The following RGPD4 variants were observed in gnomAD, a reference collection of about 807,000 sequenced individuals.
RGPD4 encodes the protein ranBP2-like and GRIP domain-containing protein 4.
Under a neutral mutation model 141.1 loss-of-function variants are expected in RGPD4, and 84 were observed. That is an observed-to-expected ratio of 0.60 (90% confidence interval 0.50 to 0.71). The LOEUF (loss-of-function observed/expected upper bound fraction) is 0.71, where lower values mean the gene tolerates loss of function less well. Ranked by LOEUF, RGPD4 falls within the 30% of genes least tolerant of loss-of-function variation. The pLI, the probability that RGPD4 is intolerant of heterozygous loss-of-function variation, is 0.00. For synonymous variants in RGPD4, 298 were observed against 566.8 expected, an observed-to-expected ratio of 0.53 and a Z score of 6.74; for missense variants, 918 against 1,622.4, an observed-to-expected ratio of 0.57 and a Z score of 7.46.
rs201500065 is a variant in RGPD4 at position 107,870,730 on chromosome 2, C to T, written c.2726C>T (p.Ser909Leu). 6.2e-7 allele frequency: 1 copy of T among 1,609,352 alleles called. No homozygotes were observed. Among genetic ancestry groups the T allele is most frequent in the Middle Eastern group, 2.3e-4 (1 of 4,416 alleles). Residue 909 changes from serine (S) to leucine (L), a missense_variant, in exon 20 of 23, where the codon TCA (serine) becomes TTA (leucine). Ser to Leu is a moderately radical substitution (Grantham distance 145). Coordinates refer to ENST00000408999, the MANE Select transcript of RGPD4 (RefSeq NM_182588.3). ...TKGSSNTEFKSTKEGFSIPVS... is the reference protein window; with the variant it reads ...TKGSSNTEFKLTKEGFSIPVS... ...GGTTCTTCTAATACAGAATTTAAGT[C>T]AACCAAAGAAGGATTTTCCATCCCT...
intron 7 of RGPD4, among the ~76,000 whole-genome samples, chr2:107,849,378 T>C (rs1682054479): frequency 7.4e-6 from 1 of 134,684 alleles, no homozygotes; most frequent in African/African-American, 3.0e-5. Context: ...TTTTTTTTTT[T>C]TTTTTTGAGA....
intron 1 of RGPD4, among the ~76,000 whole-genome samples, chr2:107,832,670 T>C (rs1420793159): frequency 6.7e-6 from 1 of 148,236 alleles, no homozygotes; most frequent in East Asian, 1.9e-4. Context: ...TGGAAACTAA[T>C]GGTATGTCTT....
At chr2:107,884,151 C>T (rs1239053389) in intron 22 of RGPD4, among the ~76,000 whole-genome samples, 2 of 151,822 alleles carry the variant, frequency 1.3e-5, no homozygotes, top group African/African-American at 2.4e-5. Context: ...TGCTCTGTCA[C>T]CCTGGCTGGA....
At position 107,859,712 on chromosome 2, in the gene RGPD4, T is replaced by C. The variant is rs1451848297; in HGVS notation, c.1635-10T>C. 8.1e-6 allele frequency: 13 copies of C among 1,611,254 alleles called. 2 individuals are homozygous for C. The Admixed American group carries it at 2.2e-4, about 27-fold the overall frequency. The stretch of plus-strand genomic sequence containing the variant: ...AGAAAGCAATTTTAGTAAATTGAAC[T>C]ATTTTTTAGACCTGGAAACTCAGCA... On this transcript the variant is annotated splice_polypyrimidine_tract_variant and intron_variant, in intron 11 of 22. Transcript: ENST00000408999.
At chr2:107,886,082 G>T (rs1170941892) in intron 22 of RGPD4, among the ~76,000 whole-genome samples, 3 of 143,214 alleles carry the variant, frequency 2.1e-5, no homozygotes, top group Admixed American at 2.1e-4. Context: ...TAAACTACAA[G>T]ATAGTTCAAA....
intron 9 of RGPD4, among the ~76,000 whole-genome samples, chr2:107,858,638 C>T (rs62150197): frequency 5.1e-3 from 749 of 147,888 alleles, no homozygotes; most frequent in Non-Finnish European, 7.7e-3. Context: ...CGGAGTTTCA[C>T]CATGCTGGCC....
At chr2:107,832,293 T>G (rs1573462681) in intron 1 of RGPD4, among the ~76,000 whole-genome samples, 1 of 150,470 alleles carries the variant, frequency 6.6e-6, no homozygotes, top group East Asian at 2.0e-4. Context: ...CTCTTGGGAC[T>G]TCCCTTTATC....
At chr2:107,859,585 C>T (rs764133209) in intron 11 of RGPD4, 31 bp downstream of exon 11, 3 of 1,611,556 alleles carry the variant, frequency 1.9e-6, no homozygotes, top group Non-Finnish European at 2.5e-6. Flanking sequence ...ATTGCTTTCA[C>T]TTAGTGCGTA....
intron 22 of RGPD4, among the ~76,000 whole-genome samples, chr2:107,885,647 A>C (rs1383921793): frequency 6.6e-6 from 1 of 152,190 alleles, no homozygotes; most frequent in Non-Finnish European, 1.5e-5. Flanking sequence ...CCCTTTAAAG[A>C]TTATTTACTA....
At chr2:107,885,536 A>G (rs1675485698) in intron 22 of RGPD4, among the ~76,000 whole-genome samples, 1 of 152,156 alleles carries the variant, frequency 6.6e-6, no homozygotes, top group African/African-American at 2.4e-5. Context: ...GATATTTTTA[A>G]AGAATTTCAT....
intron 1 of RGPD4, among the ~76,000 whole-genome samples, chr2:107,831,441 C>T (rs1207470246): frequency 9.5e-5 from 14 of 147,316 alleles, no homozygotes; most frequent in African/African-American, 2.5e-4. Context: ...AGGCAGGCAC[C>T]TTTGACAGCT....
In RGPD4 at chr2:107,882,691, G is replaced by T. The variant is rs767445018; in HGVS notation, c.5084G>T (p.Arg1695Ile). The change falls in exon 22 of 23, where the codon AGA (arginine) becomes ATA (isoleucine). Residue 1695 changes from arginine to isoleucine, a missense_variant. Coordinates refer to ENST00000408999, the MANE Select transcript of RGPD4 (RefSeq NM_182588.3). The part of the protein sequence containing the change: ...EQIKLLKSEI[R>I]RLERNQEQEE... ...CACCAGCTTCTCAAAAGTGAAATAAGAAGATTGGAAAGGAATCAAGAGCAA... is the reference window on the plus strand; with the variant it reads ...CACCAGCTTCTCAAAAGTGAAATAATAAGATTGGAAAGGAATCAAGAGCAA... 3 of 1,611,416 alleles carry T rather than the reference G, an allele frequency of 1.9e-6. No homozygotes were observed. The highest frequency in any genetic ancestry group is 1.3e-5 in the African/African-American group (1 of 74,502).
intron 20 of RGPD4, among the ~76,000 whole-genome samples, chr2:107,878,256 C>T (rs1683148396): frequency 6.6e-6 from 1 of 151,596 alleles, no homozygotes; most frequent in Non-Finnish European, 1.5e-5. Context: ...AGATTTTGAA[C>T]AATCTCACAC....
intron 9 of RGPD4, among the ~76,000 whole-genome samples, chr2:107,857,545 G>C (rs1682368000): frequency 6.6e-6 from 1 of 151,146 alleles, no homozygotes; most frequent in South Asian, 2.1e-4. Flanking sequence ...GGATTCTCTT[G>C]CCTCAGCCTC....
chr2:107,881,320 T>C (rs1179889954), intron 21 of RGPD4, among the ~76,000 whole-genome samples: 1 of 147,824 alleles, frequency 6.8e-6, no homozygotes, highest in African/African-American at 2.6e-5. Context: ...TTAAATGTTA[T>C]ATTTTCTTTT....
At chr2:107,883,631 A>C in intron 22 of RGPD4, among the ~76,000 whole-genome samples, 1 of 56,654 alleles carries the variant, frequency 1.8e-5, no homozygotes, top group Non-Finnish European at 3.6e-5. Context: ...ATCTCAAAAA[A>C]AAAAAAAACA....
At chr2:107,876,310 C>T (rs1459885159) in intron 20 of RGPD4, among the ~76,000 whole-genome samples, 2 of 150,832 alleles carry the variant, frequency 1.3e-5, no homozygotes, top group Non-Finnish European at 3.0e-5. Context: ...CAGATAGTCT[C>T]GGTCTCCTGA....
rs534556644 is a variant in RGPD4, at chr2:107,854,307, G to A, written c.979-249G>A. 2.7e-3 allele frequency among the ~76,000 whole-genome samples: 414 copies of A among 150,846 alleles called. 1 individual carries two copies. Among genetic ancestry groups the A allele is most frequent in the African/African-American group, 9.1e-3 (373 of 40,972 alleles). ...TCGAACTCCTGACCTCAAGTGATCA[G>A]CCCACCTTGGCCTCCCAGACAGAGT... is the stretch of plus-strand genomic sequence containing the variant. On this transcript the variant is annotated intron_variant, in intron 7 of 22. Coordinates refer to ENST00000408999, the MANE Select transcript of RGPD4 (RefSeq NM_182588.3).
At chr2:107,828,062 C>T (rs1681295436) in intron 1 of RGPD4, among the ~76,000 whole-genome samples, 1 of 52,580 alleles carries the variant, frequency 1.9e-5, no homozygotes, top group African/African-American at 8.4e-5. Flanking sequence ...GGCGCTGCTC[C>T]CTGGCGCGCT....
Sources: gnomAD v4.1 joint callset for allele counts (sites outside exome capture counted in the v4.1 genomes callset) on GRCh38, gnomAD v4.1.1 for gene constraint, MANE v1.5 for transcripts, NCBI Gene and HGNC (gene_info 2026-07-23, HGNC 2026-07-21) for gene names.